The following NXN variants were observed in gnomAD, a reference collection of about 807,000 sequenced individuals.
The protein encoded by NXN is nucleoredoxin, also known as nucleoredoxin 1.
A neutral mutation model predicts 48.6 loss-of-function variants in NXN; 16 were observed. The ratio of observed to expected loss-of-function variants is 0.33; its 90% confidence interval spans 0.22 to 0.50. NXN has a LOEUF of 0.50. NXN is among the 20% of genes least tolerant of loss of function. The pLI, the probability that NXN is intolerant of heterozygous loss-of-function variation, is 0.98. For missense variants in NXN, 492 were observed against 605.5 expected, an observed-to-expected ratio of 0.81 and a Z score of 1.97; for synonymous variants, 281 against 269.6, an observed-to-expected ratio of 1.04 and a Z score of -0.41.
At chr17:943,765 C>T (rs1031678698) in intron 1 of NXN, among the ~76,000 whole-genome samples, 1 of 151,584 alleles carries the variant, frequency 6.6e-6, no homozygotes, top group African/African-American at 2.4e-5. Context: ...GCGGAGGTTG[C>T]AGGGAGCCGA....
intron 5 of NXN, among the ~76,000 whole-genome samples, chr17:812,969 T>C (rs549738888): frequency 7.5e-6 from 1 of 132,774 alleles, no homozygotes; most frequent in South Asian, 2.3e-4. Flanking sequence ...TGCATGTTTG[T>C]AGGTGTGTGT....
At chr17:959,921 T>C (rs986177753) in intron 1 of NXN, among the ~76,000 whole-genome samples, 6 of 151,936 alleles carry the variant, frequency 3.9e-5, no homozygotes, top group African/African-American at 1.5e-4. Context: ...AATGAAACCC[T>C]GTCTCTACTA....
intron 1 of NXN, among the ~76,000 whole-genome samples, chr17:826,929 G>A (rs1913135041): frequency 6.6e-6 from 1 of 152,272 alleles, no homozygotes; most frequent in Non-Finnish European, 1.5e-5. Flanking sequence ...TGGAAGCCAA[G>A]CGTGGGCGGC....
chr17:934,263 G>A (rs1235007855), intron 1 of NXN, among the ~76,000 whole-genome samples: 2 of 151,976 alleles, frequency 1.3e-5, no homozygotes, highest in Admixed American at 1.3e-4. Flanking sequence ...GGCTAACACG[G>A]TGAAACCCTG....
intron 1 of NXN, among the ~76,000 whole-genome samples, chr17:852,766 A>G (rs1320476977): frequency 6.6e-6 from 1 of 152,140 alleles, no homozygotes; most frequent in Non-Finnish European, 1.5e-5. Context: ...TGTCCTTACA[A>G]AGGAGGCCTG....
intron 1 of NXN, among the ~76,000 whole-genome samples, chr17:962,843 G>A (rs564252936): frequency 1.3e-5 from 2 of 152,242 alleles, no homozygotes; most frequent in South Asian, 2.1e-4. Context: ...AGAGCCCAGC[G>A]GCGGGAGTTT....
intron 1 of NXN, among the ~76,000 whole-genome samples, chr17:950,969 C>G (rs1464513864): frequency 6.6e-6 from 1 of 151,912 alleles, no homozygotes; most frequent in African/African-American, 2.4e-5. Context: ...CTAACTAGTA[C>G]AAGGTCCAAT....
intron 1 of NXN, among the ~76,000 whole-genome samples, chr17:845,602 C>T (rs759673332): frequency 9.9e-5 from 15 of 152,260 alleles, no homozygotes; most frequent in Non-Finnish European, 2.1e-4. Flanking sequence ...GTGCCTTACA[C>T]GTGAGAGATA....
At chr17:951,056 G>T in intron 1 of NXN, among the ~76,000 whole-genome samples, 1 of 151,834 alleles carries the variant, frequency 6.6e-6, no homozygotes, top group Admixed American at 6.6e-5. Flanking sequence ...AGCACTTCCG[G>T]CCGGGCACGG....
chr17:924,604 T>G (rs910344282), intron 1 of NXN, among the ~76,000 whole-genome samples: 3 of 152,232 alleles, frequency 2.0e-5, no homozygotes, highest in Non-Finnish European at 2.9e-5. Flanking sequence ...TGTGTTCCGG[T>G]GGACCGTCCT....
chr17:979,655 C>T lies in NXN; in HGVS notation c.24G>A (p.Leu8=). 6.8e-7 allele frequency: 1 copy of T among 1,472,132 alleles called. No homozygotes were observed. Among genetic ancestry groups the T allele is most frequent in the Non-Finnish European group, 9.0e-7 (1 of 1,111,418 alleles). The allele number at this position is 1,472,132 out of a possible 1,614,324, so 91.2% of individuals were successfully genotyped here. ...CGCCCGTCACCAGCTTCTCGCCGAG[C>T]AGCTCCTCCAGGAAGCCCGACATCC... MSGFLEE[L]LGEKLVTGGG... The change falls in exon 1 of 8, where the codon CTG becomes CTA. Residue 8 remains leucine (L), a synonymous_variant. Coordinates refer to ENST00000336868, the MANE Select transcript of NXN (RefSeq NM_022463.5).
chr17:896,269 G>C lies in NXN; in HGVS notation c.361-70191C>G, dbSNP rs1271744160. On this transcript the variant is annotated intron_variant, in intron 1 of 7. Transcript: ENST00000336868. ...GCAGGAGAATCACTTGAACCCAGGA[G>C]GCAGAGGTTGCAGTGAGCCGAGATC... Among the ~76,000 whole-genome samples the C allele has an allele frequency of 2.6e-5, 4 of 151,834 alleles. No homozygotes were observed. In the East Asian group the frequency reaches 7.8e-4, roughly 29 times the overall value.
chr17:885,711 C>T (rs1378419651), intron 1 of NXN, among the ~76,000 whole-genome samples: 5 of 123,312 alleles, frequency 4.1e-5, no homozygotes, highest in East Asian at 2.4e-4. Context: ...GAGACAGAGT[C>T]GCTCTGTCCC....
At chr17:877,734 C>A (rs1380149844) in intron 1 of NXN, among the ~76,000 whole-genome samples, 1 of 152,158 alleles carries the variant, frequency 6.6e-6, no homozygotes, top group African/African-American at 2.4e-5. Flanking sequence ...TACCATCTAA[C>A]CTTGTGAGTT....
intron 1 of NXN, among the ~76,000 whole-genome samples, chr17:928,385 G>T (rs1172328544): frequency 1.3e-5 from 2 of 152,160 alleles, no homozygotes; most frequent in African/African-American, 2.4e-5. Context: ...TAGATCCACA[G>T]GCTGGATAAT....
At chr17:807,373 A>G (rs944222976) in intron 5 of NXN, among the ~76,000 whole-genome samples, 1 of 152,216 alleles carries the variant, frequency 6.6e-6, no homozygotes, top group Non-Finnish European at 1.5e-5. Flanking sequence ...CCGGCGTGGG[A>G]TGCCGAGTGG....
In NXN at chr17:890,940, C is replaced by T. The variant is rs553978057; in HGVS notation, c.361-64862G>A. Among the ~76,000 whole-genome samples, 22 of 152,276 alleles carry T rather than the reference C, an allele frequency of 1.4e-4. No homozygotes were observed. The South Asian group carries it at 1.9e-3, about 13-fold the overall frequency. ...GGCTGATGCTACACCACCTGCTTCACGAATACGGCCCCTCCATTTGCAAAG... is the reference window on the plus strand; with the variant it reads ...GGCTGATGCTACACCACCTGCTTCATGAATACGGCCCCTCCATTTGCAAAG... On this transcript the variant is annotated intron_variant, in intron 1 of 7. Coordinates refer to ENST00000336868, the MANE Select transcript of NXN (RefSeq NM_022463.5).
intron 1 of NXN, among the ~76,000 whole-genome samples, chr17:939,257 T>A (rs2068942379): frequency 6.6e-6 from 1 of 151,426 alleles, no homozygotes; most frequent in African/African-American, 2.4e-5. Flanking sequence ...TTTCCTATCA[T>A]AGGAAACTGG....
At position 830,533 on chromosome 17, in the gene NXN, A is replaced by G. The variant is rs4968119; in HGVS notation, c.361-4455T>C. On this transcript the variant is annotated intron_variant, in intron 1 of 7. Coordinates refer to ENST00000336868, the MANE Select transcript of NXN (RefSeq NM_022463.5). The surrounding 1 kb of genome is among the most constrained non-coding windows in gnomAD (Gnocchi z 4.2). ...GCCGCGGGAGGCCACCTGAGGCCCA[A>G]GAGCCCGTGTGGAGGCTGACTGCGA... is the stretch of plus-strand genomic sequence containing the variant. 0.7 allele frequency among the ~76,000 whole-genome samples: 106,217 copies of G among 151,990 alleles called. 38,445 individuals are homozygous for G. The highest frequency in any genetic ancestry group is 0.89 in the African/African-American group (37,077 of 41,464).
Sources: allele counts gnomAD v4.1 joint callset (sites outside exome capture counted in the v4.1 genomes callset), GRCh38; gene constraint gnomAD v4.1.1; non-coding constraint Gnocchi (gnomAD v3.1); transcripts MANE v1.5; gene names NCBI Gene and HGNC (gene_info 2026-07-23, HGNC 2026-07-21).